Variants in MYCBP2 observed in about 807,000 individuals in gnomAD.
The protein encoded by MYCBP2 is MYC binding protein 2.
A neutral mutation model predicts 525.3 loss-of-function variants in MYCBP2; 120 were observed. That is an observed-to-expected ratio of 0.23 (90% CI 0.20 to 0.27). The LOEUF is 0.27. Among genes scored for constraint, MYCBP2 ranks in the 10% least tolerant of loss-of-function variants. The pLI is 1.00. For synonymous variants in MYCBP2, 1,894 were observed against 1,955.8 expected (o/e 0.97, Z 0.83); for missense variants, 4,149 against 5,657.1 (o/e 0.73, Z 8.55).
At chr13:77,183,810 A>G (rs2060479875) in intron 32 of MYCBP2, among the ~76,000 whole-genome samples, 1 of 152,024 alleles carries the variant, frequency 6.6e-6, no homozygotes, top group East Asian at 1.9e-4. Flanking sequence ...AGCCTCCCAA[A>G]GTGCTGGGAT....
intron 37 of MYCBP2, 107 bp downstream of exon 37, chr13:77,174,204 A>C (rs2059400865): frequency 2.2e-6 from 2 of 917,146 alleles, no homozygotes; most frequent in Non-Finnish European, 3.3e-6. Context: ...AAGAAGATAC[A>C]CTGTACAATT....
chr13:77,230,723 CTG>C (rs2067010520), intron 18 of MYCBP2, among the ~76,000 whole-genome samples: 1 of 152,256 alleles, frequency 6.6e-6, no homozygotes, highest in Non-Finnish European at 1.5e-5. Flanking sequence ...CGTAGACAAA[CTG>C]TGATTGGCGT....
rs190453115 is a variant in MYCBP2 at position 77,132,448 on chromosome 13, A to T, written c.7660-5906T>A. On this transcript the variant is annotated intron_variant, in intron 52 of 82. Transcript: ENST00000544440. ...TACTTTCTCTTCAACTCTACTTCAA[A>T]TCTTTCAGGTTCCAAAATTTGGAAA... Among the ~76,000 whole-genome samples the T allele has an allele frequency of 3.5e-4, 54 of 152,250 alleles. 3 individuals carry two copies. The highest frequency in any genetic ancestry group is 3.0e-3 in the Admixed American group (46 of 15,288).
At chr13:77,122,915 G>A (rs2051006433) in intron 54 of MYCBP2, among the ~76,000 whole-genome samples, 1 of 152,130 alleles carries the variant, frequency 6.6e-6, no homozygotes, top group South Asian at 2.1e-4. Context: ...GCAGTAGAAT[G>A]TTTCTTCAGA....
At chr13:77,236,577 C>T (rs2067965503) in intron 17 of MYCBP2, among the ~76,000 whole-genome samples, 1 of 151,744 alleles carries the variant, frequency 6.6e-6, no homozygotes. Context: ...TTAAAAATAC[C>T]CAAATGAAAG....
At chr13:77,269,323 G>A (rs1292300413) in intron 7 of MYCBP2, among the ~76,000 whole-genome samples, 1 of 152,174 alleles carries the variant, frequency 6.6e-6, no homozygotes, top group African/African-American at 2.4e-5. Flanking sequence ...CTCAGGACAT[G>A]TATACATTTC....
chr13:77,263,978 A>C lies in MYCBP2; in HGVS notation c.1382T>G (p.Ile461Ser), dbSNP rs1229091034. ...LPDCHTEGQNILFTDGEYINQ... is the reference protein window; with the variant it reads ...LPDCHTEGQNSLFTDGEYINQ... ...AATATATTCTCCATCAGTGAATAAAATATTTTGACCTTCAGTGTGGCAATC... is the reference window on the plus strand; with the variant it reads ...AATATATTCTCCATCAGTGAATAAACTATTTTGACCTTCAGTGTGGCAATC... The change falls in exon 9 of 83, where the codon ATT (isoleucine) becomes AGT (serine). Residue 461 changes from isoleucine to serine, a missense_variant. Around this residue, in one of 21 missense-constraint regions of MYCBP2, gnomAD observed 262 missense variants for 419.3 expected, o/e 0.62. Transcript: ENST00000544440. 6.2e-7 allele frequency: 1 copy of C among 1,612,578 alleles called. No homozygotes were observed. Among genetic ancestry groups the C allele is most frequent in the Non-Finnish European group, 8.5e-7 (1 of 1,179,130 alleles).
At position 77,217,853 on chromosome 13, in the gene MYCBP2, A is replaced by G; in HGVS notation, c.3044T>C (p.Phe1015Ser). 3 of 1,601,250 alleles carry G rather than the reference A, an allele frequency of 1.9e-6. No individual in the cohort carries two copies. Among genetic ancestry groups the G allele is most frequent in the South Asian group, 1.1e-5 (1 of 87,872 alleles). Reference protein sequence around the residue: ...VLLMDGQVFTFGSFSKGQLGR... With the variant: ...VLLMDGQVFTSGSFSKGQLGR... ...AAAATTCCTTACAGAAAAACTTCCAAATGTGAAGACCTGTCCATCCATTAA... is the reference window on the plus strand; with the variant it reads ...AAAATTCCTTACAGAAAAACTTCCAGATGTGAAGACCTGTCCATCCATTAA... Residue 1015 changes from phenylalanine to serine, a missense_variant, in exon 21 of 83, where the codon TTT (phenylalanine) becomes TCT (serine). By Grantham distance (155) the Phe-to-Ser change is radical. Coordinates refer to ENST00000544440, the MANE Select transcript of MYCBP2 (RefSeq NM_015057.5).
At position 77,326,350 on chromosome 13, in the gene MYCBP2, G is replaced by C. The variant is rs915659206; in HGVS notation, c.302+124C>G. ...CTCCTGCCAACAGACATCCAGAGCGGACTGAAAGCTCAATAAATGCGCAGG... is the reference window on the plus strand; with the variant it reads ...CTCCTGCCAACAGACATCCAGAGCGCACTGAAAGCTCAATAAATGCGCAGG... On this transcript the variant is annotated intron_variant, in intron 1 of 82. Coordinates refer to ENST00000544440, the MANE Select transcript of MYCBP2 (RefSeq NM_015057.5). The surrounding 1 kb of genome is among the most constrained non-coding windows in gnomAD (Gnocchi z 4.2). 2.1e-6 allele frequency: 2 copies of C among 957,578 alleles called. No homozygotes were observed. The highest frequency in any genetic ancestry group is 3.4e-5 in the Admixed American group (1 of 29,620). The allele number at this position is 957,578 out of a possible 1,614,324, so 59.3% of individuals were successfully genotyped here.
In MYCBP2 at chr13:77,221,453, C is replaced by T. The variant is rs146150082; in HGVS notation, c.2939+2998G>A. ...GTGTGGTGTGGAAGGATGTTGTGCT[C>T]ATGCTGCTCATTCTTCTGAGTGCCA... On this transcript the variant is annotated intron_variant, in intron 20 of 82. Coordinates refer to ENST00000544440, the MANE Select transcript of MYCBP2 (RefSeq NM_015057.5). Among the ~76,000 whole-genome samples, 788 of 152,274 alleles carry T rather than the reference C, an allele frequency of 5.2e-3. 6 individuals are homozygous for T. Among genetic ancestry groups the T allele is most frequent in the African/African-American group, 0.018 (735 of 41,556 alleles).
intron 15 of MYCBP2, among the ~76,000 whole-genome samples, chr13:77,249,930 T>G (rs1045509659): frequency 1.3e-5 from 2 of 152,168 alleles, no homozygotes; most frequent in Non-Finnish European, 2.9e-5. Flanking sequence ...AAATTTGTTT[T>G]TAAAAGTTCA....
intron 15 of MYCBP2, among the ~76,000 whole-genome samples, chr13:77,245,744 AACACAC>A (rs71102727): frequency 0.51 from 72,983 of 142,906 alleles, 21,026 homozygotes; most frequent in Non-Finnish European, 0.64. Context: ...AACGTAAAGT[AACACAC>A]ACACACACAC....
In MYCBP2 at chr13:77,049,118, C is replaced by T. The variant is rs538662782; in HGVS notation, c.13921+1879G>A. On this transcript the variant is annotated intron_variant, in intron 82 of 82. Transcript: ENST00000544440. ...TCAATAATTGCCCTTCCTCCAAGCT[C>T]AAGTCATCTAGAGTCATCTAGAATA... Among the ~76,000 whole-genome samples, 3 of 152,204 alleles carry T rather than the reference C, an allele frequency of 2.0e-5. No individual in the cohort carries two copies. The South Asian group carries it at 6.2e-4, about 32-fold the overall frequency.
intron 13 of MYCBP2, among the ~76,000 whole-genome samples, chr13:77,258,427 C>A (rs1217097280): frequency 6.6e-6 from 1 of 152,128 alleles, no homozygotes; most frequent in East Asian, 1.9e-4. Context: ...TTTGTATCAA[C>A]TCTAAATTGA....
intron 42 of MYCBP2, 114 bp downstream of exon 42, chr13:77,165,159 C>T (rs9788363): frequency 0.025 from 20,806 of 846,744 alleles, 407 homozygotes; most frequent in Middle Eastern, 0.055. Flanking sequence ...CTGCACCAGG[C>T]CCCAATTTTT....
rs12868318 is a variant in MYCBP2 at position 77,175,160 on chromosome 13, A to C, written c.5473-671T>G. 5.6e-3 allele frequency among the ~76,000 whole-genome samples: 837 copies of C among 150,578 alleles called. 5 individuals are homozygous for C. Among genetic ancestry groups the C allele is most frequent in the Middle Eastern group, 0.017 (5 of 292 alleles). On this transcript the variant is annotated intron_variant, in intron 36 of 82. Coordinates refer to ENST00000544440, the MANE Select transcript of MYCBP2 (RefSeq NM_015057.5). ...TTGCCCAGCCTAGCCTCAAACTCCC[A>C]AGCTCAAGTGATCCTCCCTCCCTGG...
chr13:77,324,022 T>C (rs1450760135), intron 1 of MYCBP2, among the ~76,000 whole-genome samples: 3 of 152,172 alleles, frequency 2.0e-5, no homozygotes, highest in Non-Finnish European at 4.4e-5. Flanking sequence ...CCTCCCATAT[T>C]TGCATATCCC....
In MYCBP2 at chr13:77,205,270, T is replaced by C; in HGVS notation, c.3829A>G (p.Thr1277Ala). 6.2e-7 allele frequency: 1 copy of C among 1,605,262 alleles called. No homozygotes were observed. The highest frequency in any genetic ancestry group is 8.5e-7 in the Non-Finnish European group (1 of 1,175,050). ...ATGAACTTTACCTTAATTTTAGCAG[T>C]ATATTCTCCTCTACCTCCAAACAGA... ...LGLFGGRGEY[T>A]AKIKLFELGP... The change falls in exon 26 of 83, where the codon ACT (threonine) becomes GCT (alanine). Residue 1277 changes from threonine to alanine, a missense_variant. Physicochemically the swap from Thr to Ala is moderately conservative, Grantham distance 58. Around this residue, in one of 21 missense-constraint regions of MYCBP2, gnomAD observed 620 missense variants for 795.5 expected, o/e 0.78. Transcript: ENST00000544440.
Position 77,326,599 on chromosome 13 carries a change from G to C in MYCBP2, c.177C>G (p.Asp59Glu). The C allele has an allele frequency of 6.3e-7, 1 of 1,586,040 alleles. No individual in the cohort carries two copies. The highest frequency in any genetic ancestry group is 8.6e-7 in the Non-Finnish European group (1 of 1,168,214). The change falls in exon 1 of 83, where the codon GAC becomes GAG. Residue 59 changes from aspartate to glutamate, a missense_variant. Asp to Glu is a conservative substitution (Grantham distance 45, BLOSUM62 2). This residue lies in a region of MYCBP2 where 413 missense variants were observed against 451.2 expected (regional missense o/e 0.92). Coordinates refer to ENST00000544440, the MANE Select transcript of MYCBP2 (RefSeq NM_015057.5). The surrounding 1 kb of genome is among the most constrained non-coding windows in gnomAD (Gnocchi z 4.2). ...AGLGLGLPAADSRGHYQLLLS... is the reference protein window; with the variant it reads ...AGLGLGLPAAESRGHYQLLLS... ...GCAGCAGCTGGTAGTGACCCCGGGAGTCCGCGGCGGGTAGCCCCAGCCCCA... is the reference window on the plus strand; with the variant it reads ...GCAGCAGCTGGTAGTGACCCCGGGACTCCGCGGCGGGTAGCCCCAGCCCCA...
Sources: gnomAD v4.1 joint callset for allele counts (sites outside exome capture counted in the v4.1 genomes callset) on GRCh38, gnomAD v4.1.1 for gene constraint, gnomAD v4.1.1 regional missense constraint, Gnocchi (gnomAD v3.1) non-coding constraint, MANE v1.5 for transcripts, NCBI Gene and HGNC (gene_info 2026-07-23, HGNC 2026-07-21) for gene names.